DENND1A: variants seen among roughly 807,000 people sequenced by gnomAD.
The protein encoded by DENND1A is DENN domain containing 1A.
DENND1A carries 51 observed loss-of-function variants against 113.7 expected under a neutral mutation model. That is an observed-to-expected ratio of 0.45 (90% CI 0.36 to 0.57). DENND1A has a LOEUF of 0.57. Among genes scored for constraint, DENND1A ranks in the 20% least tolerant of loss-of-function variants. The pLI is 0.00. For missense variants in DENND1A, 1,258 were observed against 1,395.9 expected (o/e 0.90, Z 1.57); for synonymous variants, 565 against 570.8 (o/e 0.99, Z 0.14).
At position 123,400,271 on chromosome 9, in the gene DENND1A, T is replaced by C. The variant is rs1330588224; in HGVS notation, c.1631+3131A>G. ...GAAAGAAAATTTGACACAGGAAAAT[T>C]TCATTTTGGGAAAATGCAAGTCAAC... On this transcript the variant is annotated intron_variant, in intron 21 of 23. Coordinates refer to ENST00000394215, the MANE Select transcript of DENND1A (RefSeq NM_001352964.2). 6.6e-5 allele frequency: 10 copies of C among 152,336 alleles called. No individual in the cohort carries two copies. The East Asian group carries it at 1.9e-3, about 29-fold the overall frequency. 9.4% of individuals were successfully genotyped at this position (152,336 alleles called of 1,614,324 possible).
chr9:123,469,949 G>A (rs2049264296), intron 13 of DENND1A, among the ~76,000 whole-genome samples: 1 of 152,202 alleles, frequency 6.6e-6, no homozygotes, highest in African/African-American at 2.4e-5. Context: ...TATTATTTAT[G>A]TTTGATTAAG....
chr9:123,665,104 TGA>T (rs1564910765), intron 8 of DENND1A, among the ~76,000 whole-genome samples: 1 of 152,192 alleles, frequency 6.6e-6, no homozygotes, highest in South Asian at 2.1e-4. Context: ...TGGAATTTTC[TGA>T]GAGATGAAAG....
intron 2 of DENND1A, among the ~76,000 whole-genome samples, chr9:123,826,042 T>C (rs1025028215): frequency 2.6e-5 from 4 of 152,242 alleles, no homozygotes; most frequent in African/African-American, 7.2e-5. Context: ...AGCAGAGCTA[T>C]AACCAAAAGG....
rs1318969680 is a variant in DENND1A, at chr9:123,495,096, G to A, written c.994-37199C>T. 2.0e-5 allele frequency among the ~76,000 whole-genome samples: 3 copies of A among 148,252 alleles called. No homozygotes were observed. The East Asian group carries it at 5.9e-4, about 29-fold the overall frequency. On this transcript the variant is annotated intron_variant, in intron 13 of 23. Coordinates refer to ENST00000394215, the MANE Select transcript of DENND1A (RefSeq NM_001352964.2). ...CACGAGCCACTGCACCTGGCCTTTT[G>A]TACTTCTCTTGTATGTCTATCTATT...
chr9:123,775,001 T>C (rs1590035040), intron 3 of DENND1A, among the ~76,000 whole-genome samples: 1 of 152,316 alleles, frequency 6.6e-6, no homozygotes, highest in Non-Finnish European at 1.5e-5. Flanking sequence ...TTTAAAACTT[T>C]TTAACAAAAT....
intron 5 of DENND1A, among the ~76,000 whole-genome samples, chr9:123,738,483 A>T (rs1219312107): frequency 4.7e-5 from 5 of 106,116 alleles, no homozygotes; most frequent in South Asian, 2.9e-4. Context: ...GTGTGTGTGT[A>T]GTGATGTTTT....
At chr9:123,726,576 G>A (rs2067725269) in intron 5 of DENND1A, among the ~76,000 whole-genome samples, 1 of 152,160 alleles carries the variant, frequency 6.6e-6, no homozygotes, top group Non-Finnish European at 1.5e-5. Flanking sequence ...AGAGGGAGGA[G>A]CCTCTGGCTT....
At position 123,382,595 on chromosome 9, in the gene DENND1A, G is replaced by C. The variant is rs767572605; in HGVS notation, c.2050C>G (p.Arg684Gly). 1 of 1,614,034 alleles carries C rather than the reference G, an allele frequency of 6.2e-7. No homozygotes were observed. The highest frequency in any genetic ancestry group is 8.5e-7 in the Non-Finnish European group (1 of 1,180,020). ...AGCTTCAAGGCCACTGTCACCCCGC[G>C]GCTCCTCTCACTCCCGCCCAGATCC... The part of the protein sequence containing the change: ...RLDLGGSERS[R>G]GVTVALKLTH... Residue 684 changes from arginine to glycine, a missense_variant, in exon 24 of 24, where the codon CGC (arginine) becomes GGC (glycine). Transcript: ENST00000394215.
chr9:123,912,100 C>T (rs1588209805), intron 1 of DENND1A, among the ~76,000 whole-genome samples: 2 of 152,056 alleles, frequency 1.3e-5, no homozygotes, highest in Non-Finnish European at 2.9e-5. Context: ...GAGTATATAA[C>T]CATTAAAAAT....
At chr9:123,699,894 C>T (rs1048620105) in intron 5 of DENND1A, among the ~76,000 whole-genome samples, 2 of 152,154 alleles carry the variant, frequency 1.3e-5, no homozygotes, top group East Asian at 3.9e-4. Flanking sequence ...GACGGAGTTT[C>T]GCCATGTTGG....
At chr9:123,513,527 C>T (rs2053625901) in intron 13 of DENND1A, among the ~76,000 whole-genome samples, 1 of 152,238 alleles carries the variant, frequency 6.6e-6, no homozygotes, top group African/African-American at 2.4e-5. Context: ...TAAGAGGACA[C>T]ACCAAGGCCC....
chr9:123,668,068 C>T (rs2139881238), intron 7 of DENND1A, among the ~76,000 whole-genome samples: 1 of 152,248 alleles, frequency 6.6e-6, no homozygotes, highest in South Asian at 2.1e-4. Flanking sequence ...CTGATGGCAC[C>T]TCCTTTGCTG....
intron 1 of DENND1A, among the ~76,000 whole-genome samples, chr9:123,913,113 TAAAAAAAAAAAAAA>T (rs915063969): frequency 2.3e-5 from 2 of 86,712 alleles, no homozygotes; most frequent in African/African-American, 4.4e-5. Context: ...AAAGACAGTT[TAAAAAAAAAAAAAA>T]AAAAAAAAAA....
intron 2 of DENND1A, among the ~76,000 whole-genome samples, chr9:123,857,861 C>T (rs1386477420): frequency 1.3e-5 from 2 of 151,954 alleles, no homozygotes. Flanking sequence ...AGATCGAGAC[C>T]ATCCTGGCTA....
intron 13 of DENND1A, among the ~76,000 whole-genome samples, chr9:123,504,273 C>T (rs922105402): frequency 1.3e-5 from 2 of 152,168 alleles, no homozygotes; most frequent in Non-Finnish European, 2.9e-5. Flanking sequence ...TGCCCCTCAC[C>T]TCATCTCACC....
chr9:123,840,367 C>CA lies in DENND1A; in HGVS notation c.88+38583dup, dbSNP rs985999364. On this transcript the variant is annotated intron_variant, in intron 2 of 23. Transcript: ENST00000394215. ...CTCTTCTCATTAATTTTTTTTGTCT[C>CA]AAAAAAAAAAGACTATTTAAACTTA... Among the ~76,000 whole-genome samples, 912 of 141,178 alleles carry CA rather than the reference C, an allele frequency of 6.5e-3. 9 individuals carry two copies. The highest frequency in any genetic ancestry group is 0.02 in the African/African-American group (763 of 38,576). The allele number at this position is 141,178 out of a possible 152,430, so 92.6% of individuals were successfully genotyped here.
chr9:123,714,808 G>A (rs765103757), intron 5 of DENND1A, among the ~76,000 whole-genome samples: 2 of 152,156 alleles, frequency 1.3e-5, no homozygotes, highest in Admixed American at 1.3e-4. Flanking sequence ...GAGTCCACAG[G>A]TTGGTTGCTA....
At chr9:123,404,465 C>T (rs1410253030) in intron 20 of DENND1A, among the ~76,000 whole-genome samples, 1 of 152,274 alleles carries the variant, frequency 6.6e-6, no homozygotes, top group Non-Finnish European at 1.5e-5. Flanking sequence ...CCTGCCGGGG[C>T]AGGGGGCTTG....
intron 18 of DENND1A, among the ~76,000 whole-genome samples, chr9:123,441,992 T>C (rs1040724466): frequency 1.3e-5 from 2 of 152,158 alleles, no homozygotes; most frequent in Non-Finnish European, 2.9e-5. Flanking sequence ...TCTCTAAGAC[T>C]CAGTTTCCTC....
Sources: gnomAD v4.1 joint callset for allele counts (sites outside exome capture counted in the v4.1 genomes callset) on GRCh38, gnomAD v4.1.1 for gene constraint, MANE v1.5 for transcripts, NCBI Gene and HGNC (gene_info 2026-07-23, HGNC 2026-07-21) for gene names.